Variants in DCDC2 observed in about 807,000 individuals in gnomAD.
DCDC2 encodes the protein doublecortin domain-containing protein 2.
A neutral mutation model predicts 50.2 loss-of-function variants in DCDC2; 40 were observed. The ratio of observed to expected loss-of-function variants is 0.80; its 90% CI spans 0.62 to 1.04. The LOEUF is 1.04. Among genes scored for constraint, DCDC2 ranks in the 50% least tolerant of loss-of-function variants. The pLI is 0.00. For synonymous variants in DCDC2, 234 were observed against 210.6 expected (o/e 1.11, Z -0.96); for missense variants, 570 against 581.9 (o/e 0.98, Z 0.21).
chr6:24,273,356 A>T (rs1375471104), intron 7 of DCDC2, among the ~76,000 whole-genome samples: 1 of 152,200 alleles, frequency 6.6e-6, no homozygotes, highest in East Asian at 1.9e-4. Flanking sequence ...TTATGGTTAC[A>T]CTAAAAGCCT....
At chr6:24,179,164 C>G (rs1192828324) in intron 8 of DCDC2, among the ~76,000 whole-genome samples, 1 of 152,148 alleles carries the variant, frequency 6.6e-6, no homozygotes, top group Non-Finnish European at 1.5e-5. Context: ...CCCACAATGC[C>G]TAAGGAAGCT....
chr6:24,297,819 A>G (rs1759284933), intron 4 of DCDC2, among the ~76,000 whole-genome samples: 1 of 152,270 alleles, frequency 6.6e-6, no homozygotes, highest in Non-Finnish European at 1.5e-5. Flanking sequence ...ATAGGAGAAT[A>G]TTCTTATAAT....
chr6:24,201,621 A>C (rs1395763556), intron 8 of DCDC2, among the ~76,000 whole-genome samples: 1 of 152,178 alleles, frequency 6.6e-6, no homozygotes, highest in Non-Finnish European at 1.5e-5. Flanking sequence ...ACAGATTCAA[A>C]AGCTAGCAGA....
At chr6:24,186,085 G>C (rs893352966) in intron 8 of DCDC2, among the ~76,000 whole-genome samples, 3 of 152,166 alleles carry the variant, frequency 2.0e-5, no homozygotes, top group Non-Finnish European at 2.9e-5. Context: ...CCATCCAATA[G>C]CTTTTTGTTG....
intron 7 of DCDC2, among the ~76,000 whole-genome samples, chr6:24,254,027 T>C (rs1416599756): frequency 6.6e-6 from 1 of 152,138 alleles, no homozygotes; most frequent in African/African-American, 2.4e-5. Context: ...TCTATAAGCT[T>C]TTTCTATTTA....
chr6:24,222,256 G>C (rs1339456603), intron 7 of DCDC2, among the ~76,000 whole-genome samples: 1 of 152,164 alleles, frequency 6.6e-6, no homozygotes, highest in Non-Finnish European at 1.5e-5. Context: ...TGAGTCTAGC[G>C]GGCGCCTTGA....
intron 2 of DCDC2, among the ~76,000 whole-genome samples, chr6:24,335,276 G>C (rs928349893): frequency 6.6e-6 from 1 of 152,172 alleles, no homozygotes; most frequent in African/African-American, 2.4e-5. Context: ...AATGTGCCCT[G>C]TGAGAAGTGA....
At chr6:24,205,211 T>C (rs777010696) in intron 7 of DCDC2, 109 bp from the exon 8 acceptor site, 2 of 1,612,362 alleles carry the variant, frequency 1.2e-6, no homozygotes, top group South Asian at 1.1e-5. Context: ...TGGATTCCCT[T>C]TTTAGTTGAT....
intron 7 of DCDC2, 85 bp from the exon 8 acceptor site, chr6:24,205,187 T>G (rs1761685705): frequency 6.2e-7 from 1 of 1,614,032 alleles, no homozygotes; most frequent in Non-Finnish European, 8.5e-7. Context: ...AAATGCTTAT[T>G]TTTAATAGAC....
chr6:24,276,276 CA>C (rs1270777901), intron 7 of DCDC2, among the ~76,000 whole-genome samples: 3 of 152,114 alleles, frequency 2.0e-5, no homozygotes, highest in African/African-American at 7.2e-5. Context: ...AAAAGATGAT[CA>C]TTCTCTTTCT....
the DCDC2 span, among the ~76,000 whole-genome samples, chr6:24,372,341 C>T: frequency 7.9e-5 from 12 of 151,986 alleles, no homozygotes; most frequent in South Asian, 1.0e-3. Flanking sequence ...ATGGCGTGAA[C>T]CCGGGAGGCG....
chr6:24,211,782 G>A (rs1403051316), intron 7 of DCDC2, among the ~76,000 whole-genome samples: 1 of 152,182 alleles, frequency 6.6e-6, no homozygotes, highest in Non-Finnish European at 1.5e-5. Context: ...CAGCTTGGTT[G>A]TAACCCAGTA....
intron 2 of DCDC2, among the ~76,000 whole-genome samples, chr6:24,323,615 T>C (rs1477480299): frequency 2.0e-5 from 3 of 152,176 alleles, no homozygotes; most frequent in Non-Finnish European, 4.4e-5. Context: ...TAGACCTTAA[T>C]GCAAATAAAA....
At chr6:24,329,268 G>A (rs1436791732) in intron 2 of DCDC2, among the ~76,000 whole-genome samples, 1 of 152,138 alleles carries the variant, frequency 6.6e-6, no homozygotes, top group Non-Finnish European at 1.5e-5. Context: ...ACAACCGAAG[G>A]AGAATATTAA....
At chr6:24,219,616 G>A (rs908104930) in intron 7 of DCDC2, among the ~76,000 whole-genome samples, 14 of 152,200 alleles carry the variant, frequency 9.2e-5, no homozygotes, top group Admixed American at 3.3e-4. Flanking sequence ...CAGTACCCGG[G>A]TTGGCTGTGT....
chr6:24,296,467 A>G (rs1392874307), intron 4 of DCDC2, among the ~76,000 whole-genome samples: 3 of 152,196 alleles, frequency 2.0e-5, no homozygotes, highest in Non-Finnish European at 4.4e-5. Context: ...AAAAGCAAAA[A>G]TTTACCAATT....
At chr6:24,290,137 G>A (rs1484427320) in intron 5 of DCDC2, among the ~76,000 whole-genome samples, 2 of 149,798 alleles carry the variant, frequency 1.3e-5, no homozygotes, top group African/African-American at 2.4e-5. Flanking sequence ...GGGACTACAG[G>A]CGCCCGCCAC....
chr6:24,178,594 C>G lies in DCDC2; in HGVS notation c.1062G>C (p.Glu354Asp). The change falls in exon 9 of 10, where the codon GAG becomes GAC. Residue 354 changes from glutamate to aspartate, a missense_variant. Physicochemically the swap from Glu to Asp is conservative, Grantham distance 45. Transcript: ENST00000378454. ...TCTGTTCTGCATCCTTGTTTGCCTT[C>G]TCTCCATCTTCTTCCTCGTCTACTA... ...AEIVDEEEDG[E>D]KANKDAEQKE... The G allele has an allele frequency of 6.2e-7, 1 of 1,613,886 alleles. No individual in the cohort carries two copies. The highest frequency in any genetic ancestry group is 8.5e-7 in the Non-Finnish European group (1 of 1,179,962).
intron 7 of DCDC2, among the ~76,000 whole-genome samples, chr6:24,259,605 T>A (rs544197047): frequency 6.6e-6 from 1 of 152,322 alleles, no homozygotes; most frequent in East Asian, 1.9e-4. Context: ...TTTTTCCAAT[T>A]TGAAGGATTA....
Sources: allele counts gnomAD v4.1 joint callset (sites outside exome capture counted in the v4.1 genomes callset), GRCh38; gene constraint gnomAD v4.1.1; transcripts MANE v1.5; gene names NCBI Gene and HGNC (gene_info 2026-07-23, HGNC 2026-07-21).